CRIM1: variants seen among roughly 807,000 people sequenced by gnomAD.
CRIM1 encodes the protein cysteine rich transmembrane BMP regulator 1, also known as cysteine-rich motor neuron 1 protein.
In CRIM1, 32 loss-of-function variants were observed where a neutral mutation model predicts 116.4. That is an observed-to-expected ratio of 0.27 (90% CI 0.21 to 0.37). The LOEUF is 0.37. CRIM1 is among the 10% of genes least tolerant of loss of function. The pLI is 1.00. For synonymous variants in CRIM1, 590 were observed against 509.2 expected, an observed-to-expected ratio of 1.16 and a Z score of -2.13; for missense variants, 1,331 against 1,354.8, an observed-to-expected ratio of 0.98 and a Z score of 0.28.
chr2:36,375,296 A>G lies in CRIM1; in HGVS notation c.331+18673A>G, dbSNP rs775403323. On this transcript the variant is annotated intron_variant, in intron 1 of 16. Coordinates refer to ENST00000280527, the MANE Select transcript of CRIM1 (RefSeq NM_016441.3). ...CATTATCAGGATTAAGTTTGTTGAAATTGTATCAGGAAAATAGACTTTTCC... is the reference window on the plus strand; with the variant it reads ...CATTATCAGGATTAAGTTTGTTGAAGTTGTATCAGGAAAATAGACTTTTCC... Among the ~76,000 whole-genome samples, 3 of 152,232 alleles carry G rather than the reference A, an allele frequency of 2.0e-5. No individual in the cohort carries two copies. The East Asian group carries it at 5.8e-4, about 29-fold the overall frequency.
At chr2:36,509,071 A>G (rs1366283757) in intron 8 of CRIM1, among the ~76,000 whole-genome samples, 4 of 152,358 alleles carry the variant, frequency 2.6e-5, no homozygotes, top group African/African-American at 7.2e-5. Flanking sequence ...ACATATCTAA[A>G]TGTAACACTG....
chr2:36,521,208 T>C (rs555800254), intron 12 of CRIM1, among the ~76,000 whole-genome samples: 2 of 152,306 alleles, frequency 1.3e-5, no homozygotes, highest in African/African-American at 4.8e-5. Flanking sequence ...CTGTTGCAAG[T>C]TGTAACTAGA....
chr2:36,538,225 C>T (rs1205552942), intron 14 of CRIM1, among the ~76,000 whole-genome samples: 2 of 152,184 alleles, frequency 1.3e-5, no homozygotes, highest in Non-Finnish European at 2.9e-5. Context: ...CAGAGCCTCA[C>T]CTAGCCCTTC....
intron 4 of CRIM1, among the ~76,000 whole-genome samples, chr2:36,449,984 T>C (rs1262797798): frequency 6.6e-6 from 1 of 152,020 alleles, no homozygotes; most frequent in Non-Finnish European, 1.5e-5. Flanking sequence ...TGAGTAACAA[T>C]TCAGTAAAAT....
Position 36,544,386 on chromosome 2 carries a change from C to CCCAGAA in CRIM1, c.2638_2643dup (p.Glu880_Pro881dup). The CCCAGAA allele has an allele frequency of 7.3e-7, 1 of 1,374,942 alleles. No homozygotes were observed. 85.2% of individuals were successfully genotyped at this position (1,374,942 alleles called of 1,614,324 possible). A position where few individuals can be genotyped will look rare whatever the true frequency, so the allele number is the denominator to read the frequency against. The stretch of plus-strand genomic sequence containing the variant: ...GTTCCCTTCTTTTAGAAATGTATGT[C>CCCAGAA]CCAGAACCAACCAATATACCCATTG... On this transcript the variant is annotated inframe_insertion, in exon 15 of 17. Coordinates refer to ENST00000280527, the MANE Select transcript of CRIM1 (RefSeq NM_016441.3).
intron 1 of CRIM1, among the ~76,000 whole-genome samples, chr2:36,392,388 A>T (rs1475358532): frequency 3.3e-5 from 5 of 152,106 alleles, no homozygotes; most frequent in African/African-American, 1.2e-4. Context: ...ATCTTGTCAC[A>T]TTTAGGGTAC....
chr2:36,463,699 C>T (rs771747085), intron 4 of CRIM1, among the ~76,000 whole-genome samples: 18 of 152,306 alleles, frequency 1.2e-4, no homozygotes, highest in Non-Finnish European at 1.6e-4. Flanking sequence ...CCTCTTATTT[C>T]ACCTGCCCGT....
intron 8 of CRIM1, 57 bp downstream of exon 8, chr2:36,499,404 C>T (rs1680831475): frequency 1.3e-6 from 2 of 1,531,104 alleles, no homozygotes; most frequent in Non-Finnish European, 1.8e-6. Context: ...ATTGTCAAAG[C>T]ATATTATGTA....
At chr2:36,447,824 G>C (rs903739555) in intron 4 of CRIM1, among the ~76,000 whole-genome samples, 1 of 152,126 alleles carries the variant, frequency 6.6e-6, no homozygotes, top group East Asian at 1.9e-4. Flanking sequence ...CTGATTGCAG[G>C]AATTTGGTGG....
intron 4 of CRIM1, 129 bp downstream of exon 4, chr2:36,442,864 G>A (rs1675965795): frequency 1.8e-6 from 2 of 1,096,684 alleles, no homozygotes; most frequent in Non-Finnish European, 2.7e-6. Flanking sequence ...AGAAATCACT[G>A]AACTGTTTGC....
intron 2 of CRIM1, among the ~76,000 whole-genome samples, chr2:36,417,545 G>A (rs1673713466): frequency 6.6e-6 from 1 of 152,102 alleles, no homozygotes; most frequent in Non-Finnish European, 1.5e-5. Flanking sequence ...TCAGGGGTCT[G>A]TTATCTGAGT....
intron 4 of CRIM1, among the ~76,000 whole-genome samples, chr2:36,464,223 G>A (rs527923390): frequency 2.6e-5 from 4 of 152,334 alleles, no homozygotes; most frequent in East Asian, 1.9e-4. Flanking sequence ...GAGTCAGCCA[G>A]AAAATGTTTG....
At chr2:36,525,712 C>G (rs1168471646) in intron 13 of CRIM1, among the ~76,000 whole-genome samples, 2 of 152,168 alleles carry the variant, frequency 1.3e-5, no homozygotes, top group East Asian at 3.8e-4. Context: ...GCTGACCTCA[C>G]CTTGGCTGTA....
chr2:36,396,665 A>C lies in CRIM1; in HGVS notation c.383A>C (p.Asn128Thr), dbSNP rs772283202. The change falls in exon 2 of 17, where the codon AAC (asparagine) becomes ACC (threonine). Residue 128 changes from asparagine to threonine, a missense_variant. Asn to Thr is a moderately conservative substitution (Grantham distance 65). Transcript: ENST00000280527. ...QLLGFKPCNENLIAGCNIING... is the reference protein window; with the variant it reads ...QLLGFKPCNETLIAGCNIING... ...CTTGGTTTTAAACCATGCAATGAAA[A>C]CCTTATTGCTGGCTGCAATATAATC... 6.2e-7 allele frequency: 1 copy of C among 1,612,582 alleles called. No individual in the cohort carries two copies. Among genetic ancestry groups the C allele is most frequent in the African/African-American group, 1.3e-5 (1 of 74,870 alleles).
intron 8 of CRIM1, among the ~76,000 whole-genome samples, chr2:36,504,971 G>C (rs560785235): frequency 6.6e-6 from 1 of 152,280 alleles, no homozygotes; most frequent in East Asian, 1.9e-4. Flanking sequence ...ATGCAGACTT[G>C]TAGAATTCTG....
intron 4 of CRIM1, among the ~76,000 whole-genome samples, chr2:36,448,757 T>C (rs1370046860): frequency 1.3e-5 from 2 of 152,244 alleles, no homozygotes; most frequent in African/African-American, 4.8e-5. Flanking sequence ...TCTTAAAAGT[T>C]ATTGAGAAAA....
intron 1 of CRIM1, among the ~76,000 whole-genome samples, chr2:36,359,150 A>C: frequency 6.6e-6 from 1 of 152,182 alleles, no homozygotes; most frequent in East Asian, 1.9e-4. Context: ...AACTAACATG[A>C]ATAGGAATCA....
At chr2:36,474,675 T>C (rs59711371) in intron 5 of CRIM1, among the ~76,000 whole-genome samples, 4,004 of 151,874 alleles carry the variant, frequency 0.026, 181 homozygotes, top group African/African-American at 0.09. Flanking sequence ...CTGGCCAACA[T>C]GGTCTTTACT....
chr2:36,465,160 A>G (rs1324125462), intron 5 of CRIM1, among the ~76,000 whole-genome samples: 2 of 152,206 alleles, frequency 1.3e-5, no homozygotes, highest in Non-Finnish European at 2.9e-5. Flanking sequence ...ATCTTTAATC[A>G]GTGGTTGGTC....
Sources: allele counts gnomAD v4.1 joint callset (sites outside exome capture counted in the v4.1 genomes callset), GRCh38; gene constraint gnomAD v4.1.1; transcripts MANE v1.5; gene names NCBI Gene and HGNC (gene_info 2026-07-23, HGNC 2026-07-21).